CACNA1C: variants seen among roughly 807,000 people sequenced by gnomAD.
CACNA1C encodes the protein voltage-dependent L-type calcium channel subunit alpha-1C.
In CACNA1C, 30 loss-of-function variants were observed where a neutral mutation model predicts 229.0. The observed-to-expected ratio is 0.13, with a 90% CI of 0.10 to 0.18. The LOEUF (loss-of-function observed/expected upper bound fraction) is 0.18, where lower values mean the gene tolerates loss of function less well. Among genes scored for constraint, CACNA1C ranks in the 10% least tolerant of loss-of-function variants. The pLI is 1.00. For synonymous variants in CACNA1C, 1,114 were observed against 1,132.5 expected (o/e 0.98, Z 0.33); for missense variants, 1,658 against 2,845.0 (o/e 0.58, Z 9.49).
chr12:2,433,146 G>A (rs777261478), intron 3 of CACNA1C, among the ~76,000 whole-genome samples: 1 of 152,158 alleles, frequency 6.6e-6, no homozygotes, highest in South Asian at 2.1e-4. Flanking sequence ...TTATTTCCTT[G>A]CCTGTTGGTT....
intron 3 of CACNA1C, among the ~76,000 whole-genome samples, chr12:2,400,593 G>A (rs2098663569): frequency 6.6e-6 from 1 of 152,146 alleles, no homozygotes; most frequent in African/African-American, 2.4e-5. Flanking sequence ...TGCAAATAAC[G>A]TGCTTAGCAT....
chr12:2,218,307 C>T (rs1391013042), intron 3 of CACNA1C, among the ~76,000 whole-genome samples: 3 of 152,158 alleles, frequency 2.0e-5, no homozygotes, highest in African/African-American at 7.2e-5. Flanking sequence ...CAGATATGAC[C>T]GGCTCCCTCC....
At chr12:2,509,213 G>T (rs2099778219) in intron 8 of CACNA1C, among the ~76,000 whole-genome samples, 1 of 152,210 alleles carries the variant, frequency 6.6e-6, no homozygotes, top group African/African-American at 2.4e-5. Flanking sequence ...ATGGCCCACA[G>T]TTAAGACACA....
Position 2,348,941 on chromosome 12 carries a change from A to C in CACNA1C, c.478-100035A>C, listed in dbSNP as rs1361255345. On this transcript the variant is annotated intron_variant, in intron 3 of 46. Coordinates refer to ENST00000399655, the MANE Select transcript of CACNA1C (RefSeq NM_000719.7). The surrounding 1 kb of genome is among the most constrained non-coding windows in gnomAD (Gnocchi z 4.7). The stretch of plus-strand genomic sequence containing the variant: ...GAATTCCTCTTAGAGGCAGGCATCG[A>C]CTGGCTAACTGGTATGATACTTTGG... 2.0e-5 allele frequency among the ~76,000 whole-genome samples: 3 copies of C among 152,164 alleles called. No homozygotes were observed. Among genetic ancestry groups the C allele is most frequent in the Non-Finnish European group, 2.9e-5 (2 of 68,008 alleles).
intron 3 of CACNA1C, among the ~76,000 whole-genome samples, chr12:2,310,921 C>A (rs564246163): frequency 6.6e-6 from 1 of 152,192 alleles, no homozygotes; most frequent in African/African-American, 2.4e-5. Flanking sequence ...ACAGCCCCTA[C>A]GTTCAGCAGA....
At chr12:2,676,466 C>T (rs1232056571) in intron 39 of CACNA1C, 1 of 152,308 alleles carries the variant, frequency 6.6e-6, no homozygotes, top group Non-Finnish European at 1.5e-5. Context: ...ATGGCTTCTC[C>T]ACCATCAGGT....
chr12:2,547,559 G>T (rs780446782), intron 9 of CACNA1C: 3 of 778,030 alleles, frequency 3.9e-6, no homozygotes, highest in Admixed American at 1.7e-5. Flanking sequence ...GTGTAAATGC[G>T]TGTGGGTGCA....
chr12:2,691,515 C>A lies in CACNA1C; in HGVS notation c.*316C>A. 1 of 311,526 alleles carries A rather than the reference C, an allele frequency of 3.2e-6. No homozygotes were observed. Among genetic ancestry groups the A allele is most frequent in the East Asian group, 5.2e-5 (1 of 19,388 alleles). 19.3% of individuals were successfully genotyped at this position (311,526 alleles called of 1,614,324 possible). On this transcript the variant is annotated 3_prime_UTR_variant, in exon 47 of 47. Transcript: ENST00000399655. ...AGAGCACCCCGGCTTCCCGCGCGCCCTCACCAAAAGGACCCTACAGCAAAC... is the reference window on the plus strand; with the variant it reads ...AGAGCACCCCGGCTTCCCGCGCGCCATCACCAAAAGGACCCTACAGCAAAC...
intron 38 of CACNA1C, among the ~76,000 whole-genome samples, chr12:2,669,670 G>A (rs368908244): frequency 7.9e-5 from 12 of 152,234 alleles, no homozygotes; most frequent in African/African-American, 2.2e-4. Context: ...CTGGGAAGAC[G>A]TGTGGGAAAG....
At chr12:2,262,079 G>A (rs1039840974) in intron 3 of CACNA1C, among the ~76,000 whole-genome samples, 3 of 152,232 alleles carry the variant, frequency 2.0e-5, no homozygotes, top group African/African-American at 7.2e-5. Context: ...GGCAGGCAGA[G>A]GCTCGCCAAG....
intron 3 of CACNA1C, among the ~76,000 whole-genome samples, chr12:2,297,668 G>T (rs914791445): frequency 6.6e-6 from 1 of 152,184 alleles, no homozygotes; most frequent in Non-Finnish European, 1.5e-5. Flanking sequence ...TTGCGTCTTT[G>T]TGAGAATCTA....
Position 2,605,034 on chromosome 12 carries a change from C to G in CACNA1C, c.2961-47C>G. ...CCCTTACCACATTATTTTTGCTCCC[C>G]CCAGAAACAGGAGGAGCTTACTACC... On this transcript the variant is annotated intron_variant, in intron 22 of 46. Transcript: ENST00000399655. This position sits in a 1 kb window ranked among gnomAD's most constrained non-coding sequence, Gnocchi z 6.2. 1 of 1,422,048 alleles carries G rather than the reference C, an allele frequency of 7.0e-7. No individual in the cohort carries two copies. Among genetic ancestry groups the G allele is most frequent in the Non-Finnish European group, 9.9e-7 (1 of 1,005,052 alleles). The allele number at this position is 1,422,048 out of a possible 1,614,324, so 88.1% of individuals were successfully genotyped here.
chr12:2,337,426 C>A (rs958029230), intron 3 of CACNA1C, among the ~76,000 whole-genome samples: 5 of 152,224 alleles, frequency 3.3e-5, no homozygotes, highest in African/African-American at 1.2e-4. Flanking sequence ...TGCTCACCAG[C>A]CCTCCAGCCT....
chr12:2,560,443 T>C (rs1600103833), intron 11 of CACNA1C, among the ~76,000 whole-genome samples: 1 of 152,214 alleles, frequency 6.6e-6, no homozygotes, highest in East Asian at 1.9e-4. Context: ...ACAGCCATAG[T>C]GGAGGATTCC....
intron 28 of CACNA1C, among the ~76,000 whole-genome samples, chr12:2,611,366 G>A (rs2077667431): frequency 6.7e-6 from 1 of 148,278 alleles, no homozygotes; most frequent in Non-Finnish European, 1.5e-5. Context: ...CAATGGAGAG[G>A]GGAGGAGATG....
intron 24 of CACNA1C, among the ~76,000 whole-genome samples, chr12:2,606,389 G>C (rs2075360482): frequency 6.6e-6 from 1 of 151,986 alleles, no homozygotes; most frequent in South Asian, 2.1e-4. Flanking sequence ...CAGCTCCCAT[G>C]GACCCGAGCT....
At chr12:2,046,264 T>C (rs2470392) in intron 1 of CACNA1C, among the ~76,000 whole-genome samples, 57,062 of 152,024 alleles carry the variant, frequency 0.38, 11,663 homozygotes, top group East Asian at 0.67. Context: ...CAATAGTGGA[T>C]AGGTCTGAGC....
chr12:2,484,909 CTT>C (rs3058705), intron 5 of CACNA1C, among the ~76,000 whole-genome samples: 9 of 145,302 alleles, frequency 6.2e-5, no homozygotes, highest in Non-Finnish European at 6.0e-5. Flanking sequence ...TCTCTTCTTT[CTT>C]TTTTTTTTTT....
chr12:2,062,619 C>T (rs2057906904), intron 1 of CACNA1C, among the ~76,000 whole-genome samples: 1 of 152,220 alleles, frequency 6.6e-6, no homozygotes, highest in East Asian at 1.9e-4. Context: ...GGTACCCCGC[C>T]TCCCCTCCTG....
Sources: gnomAD v4.1 joint callset for allele counts (sites outside exome capture counted in the v4.1 genomes callset) on GRCh38, gnomAD v4.1.1 for gene constraint, Gnocchi (gnomAD v3.1) non-coding constraint, MANE v1.5 for transcripts, NCBI Gene and HGNC (gene_info 2026-07-23, HGNC 2026-07-21) for gene names.